The following PTPRJ variants were observed in gnomAD, a reference collection of about 807,000 sequenced individuals.
PTPRJ encodes the protein receptor-type tyrosine-protein phosphatase eta.
PTPRJ carries 129 observed loss-of-function variants against 141.3 expected under a neutral mutation model. That is an observed-to-expected ratio of 0.91 (90% CI 0.79 to 1.06). The LOEUF is 1.06. Ranked by LOEUF, PTPRJ falls within the 50% of genes least tolerant of loss-of-function variation. PTPRJ has a pLI of 0.00. For synonymous variants in PTPRJ, 610 were observed against 640.5 expected, an observed-to-expected ratio of 0.95 and a Z score of 0.72; for missense variants, 1,601 against 1,679.7, an observed-to-expected ratio of 0.95 and a Z score of 0.82.
chr11:48,128,005 A>G lies in PTPRJ; in HGVS notation c.1319A>G (p.Asp440Gly), dbSNP rs1225541822. ...ATCACAGTGTGTCCTGTCCTAGGTG[A>G]CATCGAGGGCACGCCGGGCTTCCTC... Reference protein sequence around the residue: ...YNITVCPVLGDIEGTPGFLQV... With the variant: ...YNITVCPVLGGIEGTPGFLQV... Residue 440 changes from aspartate (D) to glycine (G), a missense_variant, in exon 7 of 25, where the codon GAC becomes GGC. Transcript: ENST00000418331. 1.2e-6 allele frequency: 2 copies of G among 1,613,482 alleles called. No individual in the cohort carries two copies. The highest frequency in any genetic ancestry group is 2.2e-5 in the South Asian group (2 of 91,070).
chr11:48,117,214 C>T (rs1379462059), intron 3 of PTPRJ, among the ~76,000 whole-genome samples: 1 of 152,038 alleles, frequency 6.6e-6, no homozygotes, highest in Admixed American at 6.6e-5. Flanking sequence ...GCAGCCCTTC[C>T]AAGAAAGTTG....
At chr11:48,067,691 C>A (rs916482083) in intron 1 of PTPRJ, among the ~76,000 whole-genome samples, 2 of 152,184 alleles carry the variant, frequency 1.3e-5, no homozygotes, top group Non-Finnish European at 2.9e-5. Flanking sequence ...AGCATGCCTT[C>A]TTGTTTTTCT....
intron 1 of PTPRJ, among the ~76,000 whole-genome samples, chr11:48,104,116 G>A (rs1211705737): frequency 6.6e-6 from 1 of 152,190 alleles, no homozygotes; most frequent in East Asian, 1.9e-4. Flanking sequence ...TGTGCCTGAT[G>A]CCTTGTGCTT....
At chr11:48,035,953 T>C (rs929007033) in intron 1 of PTPRJ, among the ~76,000 whole-genome samples, 4 of 152,242 alleles carry the variant, frequency 2.6e-5, no homozygotes, top group Non-Finnish European at 4.4e-5. Flanking sequence ...CATGAGTTAC[T>C]ACCCCATTTG....
chr11:48,129,023 C>T (rs1345492905), intron 7 of PTPRJ, among the ~76,000 whole-genome samples: 3 of 152,176 alleles, frequency 2.0e-5, no homozygotes, highest in South Asian at 4.1e-4. Context: ...CCCAAGTATC[C>T]GTGGCTTAAA....
chr11:48,031,920 G>C (rs1403990771), intron 1 of PTPRJ, among the ~76,000 whole-genome samples: 2 of 152,122 alleles, frequency 1.3e-5, no homozygotes, highest in African/African-American at 2.4e-5. Flanking sequence ...ACATTTCAAG[G>C]GTTATTTTGC....
In PTPRJ at chr11:48,128,020, C is replaced by T. The variant is rs78258670; in HGVS notation, c.1334C>T (p.Pro445Leu). ...CPVLGDIEGT[P>L]GFLQVHTPPV... Reference sequence around the variant, plus strand: ...GTCCTAGGTGACATCGAGGGCACGCCGGGCTTCCTCCAAGTGCACACCCGT... The same window carrying T: ...GTCCTAGGTGACATCGAGGGCACGCTGGGCTTCCTCCAAGTGCACACCCGT... Residue 445 changes from proline (P) to leucine (L), a missense_variant, in exon 7 of 25, where the codon CCG (proline) becomes CTG (leucine). Transcript: ENST00000418331. The T allele has an allele frequency of 1.6e-3, 2,545 of 1,613,356 alleles. 19 individuals are homozygous for T. In the African/African-American group the frequency reaches 0.018, roughly 11 times the overall value.
chr11:48,150,285 C>T lies in PTPRJ; in HGVS notation c.3138+102C>T, dbSNP rs989525577. The T allele has an allele frequency of 7.1e-5, 66 of 927,120 alleles. No homozygotes were observed. The African/African-American group carries it at 8.6e-4, about 12-fold the overall frequency. The allele number at this position is 927,120 out of a possible 1,614,324, so 57.4% of individuals were successfully genotyped here. A position where few individuals can be genotyped will look rare whatever the true frequency, so the allele number is the denominator to read the frequency against. ...GGTGGCAGGTAGCTGAAAGAACACT[C>T]GAGGGACTGTAGGCAGTTGGGACAT... On this transcript the variant is annotated intron_variant, in intron 18 of 24. Transcript: ENST00000418331.
At chr11:48,123,926 A>G in intron 5 of PTPRJ, 56 bp downstream of exon 5, 1 of 1,513,582 alleles carries the variant, frequency 6.6e-7, no homozygotes, top group Non-Finnish European at 9.0e-7. Context: ...TTCAGTAACT[A>G]AATGTTCTAA....
At chr11:48,063,781 A>C (rs1431218465) in intron 1 of PTPRJ, among the ~76,000 whole-genome samples, 1 of 152,196 alleles carries the variant, frequency 6.6e-6, no homozygotes, top group Non-Finnish European at 1.5e-5. Context: ...CATAAAGGTC[A>C]GAACTTGATC....
chr11:48,040,670 C>T (rs1341139870), intron 1 of PTPRJ, among the ~76,000 whole-genome samples: 2 of 146,962 alleles, frequency 1.4e-5, no homozygotes, highest in Admixed American at 6.8e-5. Context: ...GGTGCAGTCT[C>T]GGCTTACTGC....
chr11:48,056,878 C>T (rs1296800061), intron 1 of PTPRJ, among the ~76,000 whole-genome samples: 10 of 152,118 alleles, frequency 6.6e-5, no homozygotes, highest in African/African-American at 7.2e-5. Context: ...CGCTTGACTC[C>T]GGGAGGAGGA....
rs536565335 is a variant in PTPRJ at position 48,113,376 on chromosome 11, C to T, written c.352+393C>T. On this transcript the variant is annotated intron_variant, in intron 3 of 24. Coordinates refer to ENST00000418331, the MANE Select transcript of PTPRJ (RefSeq NM_002843.4). ...CATTTCTACAGGACAGTTTTAATAC[C>T]TGCCTGGCATTCTATTTTCTAAATC... Among the ~76,000 whole-genome samples the T allele has an allele frequency of 2.0e-5, 3 of 152,256 alleles. 1 individual carries two copies. In the South Asian group the frequency reaches 6.2e-4, roughly 32 times the overall value.
chr11:48,030,085 A>G (rs900276068), intron 1 of PTPRJ, among the ~76,000 whole-genome samples: 3 of 152,224 alleles, frequency 2.0e-5, no homozygotes, highest in African/African-American at 7.2e-5. Flanking sequence ...ATTCAAATGT[A>G]AAACAGATTA....
intron 21 of PTPRJ, among the ~76,000 whole-genome samples, chr11:48,159,389 C>A (rs1857706285): frequency 6.6e-6 from 1 of 152,118 alleles, no homozygotes; most frequent in African/African-American, 2.4e-5. Flanking sequence ...AAGATGAGGT[C>A]AGTGAACAGT....
At chr11:47,986,912 T>C (rs1322396382) in intron 1 of PTPRJ, among the ~76,000 whole-genome samples, 1 of 152,144 alleles carries the variant, frequency 6.6e-6, no homozygotes, top group African/African-American at 2.4e-5. Context: ...TACTTTTTTT[T>C]CCCCTAATGT....
chr11:48,000,812 T>C lies in PTPRJ; in HGVS notation c.96+19804T>C, dbSNP rs1403396181. On this transcript the variant is annotated intron_variant, in intron 1 of 24. Transcript: ENST00000418331. ...CTGTCTGTCTCCCCACCTCTTGGAT[T>C]ATGAGTTCAGGGGAGTGGGACCCCC... is the stretch of plus-strand genomic sequence containing the variant. Among the ~76,000 whole-genome samples the C allele has an allele frequency of 6.6e-5, 10 of 152,166 alleles. No homozygotes were observed. In the East Asian group the frequency reaches 1.9e-3, roughly 29 times the overall value.
intron 6 of PTPRJ, among the ~76,000 whole-genome samples, chr11:48,127,302 A>G (rs1356148103): frequency 6.6e-6 from 1 of 152,140 alleles, no homozygotes; most frequent in African/African-American, 2.4e-5. Flanking sequence ...CCAGTTTTAT[A>G]GGTGAGGAAG....
chr11:48,017,368 G>A (rs1415566353), intron 1 of PTPRJ, among the ~76,000 whole-genome samples: 1 of 152,194 alleles, frequency 6.6e-6, no homozygotes, highest in Non-Finnish European at 1.5e-5. Context: ...CTGGCACACT[G>A]AGTTTGTCTC....
Sources: allele counts gnomAD v4.1 joint callset (sites outside exome capture counted in the v4.1 genomes callset), GRCh38; gene constraint gnomAD v4.1.1; transcripts MANE v1.5; gene names NCBI Gene and HGNC (gene_info 2026-07-23, HGNC 2026-07-21).